FBXO11: variants seen among roughly 807,000 people sequenced by gnomAD.
The protein encoded by FBXO11 is F-box only protein 11.
Under a neutral mutation model 117.0 loss-of-function variants are expected in FBXO11, and 13 were observed. The observed-to-expected ratio is 0.11, with a 90% CI of 0.07 to 0.18. The LOEUF (loss-of-function observed/expected upper bound fraction) is 0.18. FBXO11 is among the 10% of genes least tolerant of loss of function. The pLI is 1.00. For synonymous variants in FBXO11, 490 were observed against 380.5 expected (o/e 1.29, Z -3.35); for missense variants, 767 against 1,164.4 (o/e 0.66, Z 4.97).
intron 1 of FBXO11, among the ~76,000 whole-genome samples, chr2:47,857,583 G>T (rs150684580): frequency 0.013 from 1,937 of 152,228 alleles, 24 homozygotes; most frequent in Non-Finnish European, 0.019. Flanking sequence ...ATCATGGGGG[G>T]TAGATTTCAT....
rs1348765307 is a variant in FBXO11 at position 47,839,687 on chromosome 2, A to T, written c.315T>A (p.Thr105=). The change falls in exon 2 of 23, where the codon ACT becomes ACA. Residue 105 remains threonine, a synonymous_variant. Coordinates refer to ENST00000403359, the MANE Select transcript of FBXO11 (RefSeq NM_001190274.2). ...GACACGCTGTTCTTTTCGGCAAAAG[A>T]GTTTTTCTACGAAGTTGGTATGGAC... ...QNSPYQLRRK[T]LLPKRTACPT... 8.1e-6 allele frequency: 13 copies of T among 1,614,018 alleles called. No individual in the cohort carries two copies. Among genetic ancestry groups the T allele is most frequent in the Admixed American group, 1.7e-5 (1 of 59,994 alleles).
chr2:47,819,565 A>G (rs778366587), intron 14 of FBXO11, among the ~76,000 whole-genome samples: 12 of 152,144 alleles, frequency 7.9e-5, no homozygotes, highest in Non-Finnish European at 1.5e-4. Context: ...CAAAAATTTT[A>G]TACTGTTCTT....
chr2:47,826,527 A>G (rs1045551564), intron 11 of FBXO11, among the ~76,000 whole-genome samples: 2 of 152,114 alleles, frequency 1.3e-5, no homozygotes, highest in Admixed American at 1.3e-4. Flanking sequence ...ACTGACTTCT[A>G]TTATGGGACA....
chr2:47,886,572 G>C (rs765510419), intron 1 of FBXO11, among the ~76,000 whole-genome samples: 20 of 151,896 alleles, frequency 1.3e-4, no homozygotes, highest in Non-Finnish European at 2.2e-4. Flanking sequence ...TTTGTATAGG[G>C]TTGTTTGCTG....
rs1678074412 is a variant in FBXO11 at position 47,900,626 on chromosome 2, ATACACACACGTACGTATATACACACG to A, written c.232+4837_232+4862del. On this transcript the variant is annotated intron_variant, in intron 1 of 22. Transcript: ENST00000403359. The stretch of plus-strand genomic sequence containing the variant: ...CGTATACACACGTATATACACACGT[ATACACACACGTACGTATATACACACG>A]TATACACACACGTACGTATATACAC... 5.5e-5 allele frequency among the ~76,000 whole-genome samples: 2 copies of A among 36,622 alleles called. 1 individual carries two copies. Among genetic ancestry groups the A allele is most frequent in the Non-Finnish European group, 1.2e-4 (2 of 16,228 alleles). 24.0% of individuals were successfully genotyped at this position (36,622 alleles called of 152,430 possible).
intron 1 of FBXO11, among the ~76,000 whole-genome samples, chr2:47,892,217 T>C (rs1677306499): frequency 6.6e-6 from 1 of 152,192 alleles, no homozygotes; most frequent in Non-Finnish European, 1.5e-5. Flanking sequence ...CCTCCCTCCC[T>C]GTAGATTCCA....
intron 1 of FBXO11, among the ~76,000 whole-genome samples, chr2:47,897,419 G>C (rs964881340): frequency 1.3e-5 from 2 of 152,134 alleles, no homozygotes; most frequent in African/African-American, 4.8e-5. Context: ...ACTTCTGGTC[G>C]GGTGAGGTGG....
At chr2:47,853,690 A>G (rs976317637) in intron 1 of FBXO11, among the ~76,000 whole-genome samples, 1 of 152,220 alleles carries the variant, frequency 6.6e-6, no homozygotes, top group Admixed American at 6.5e-5. Flanking sequence ...TGCTTACCTT[A>G]TAAAATTACT....
intron 7 of FBXO11, 78 bp from the exon 8 acceptor site, chr2:47,833,148 C>T: frequency 1.1e-6 from 1 of 905,658 alleles, no homozygotes; most frequent in South Asian, 1.4e-5. Context: ...GGGGAACTTA[C>T]TAAAAACATT....
At chr2:47,840,395 A>G (rs1341663861) in intron 1 of FBXO11, among the ~76,000 whole-genome samples, 1 of 151,640 alleles carries the variant, frequency 6.6e-6, no homozygotes, top group African/African-American at 2.4e-5. Context: ...AATATAGTGC[A>G]TGAGATACCA....
intron 1 of FBXO11, among the ~76,000 whole-genome samples, chr2:47,885,360 G>T (rs1223901394): frequency 6.6e-6 from 1 of 152,142 alleles, no homozygotes; most frequent in Non-Finnish European, 1.5e-5. Flanking sequence ...TTGGGAGGCC[G>T]AGGTGAGTAA....
At chr2:47,824,039 C>T (rs1017396061) in intron 11 of FBXO11, among the ~76,000 whole-genome samples, 1 of 152,106 alleles carries the variant, frequency 6.6e-6, no homozygotes, top group Non-Finnish European at 1.5e-5. Flanking sequence ...GAACTATATA[C>T]ATCCTCTAAT....
intron 1 of FBXO11, among the ~76,000 whole-genome samples, chr2:47,894,647 A>G (rs946909483): frequency 3.3e-5 from 5 of 152,220 alleles, no homozygotes; most frequent in African/African-American, 1.2e-4. Flanking sequence ...GTTAGTGAAT[A>G]AACTTTCTGA....
chr2:47,889,568 A>T (rs1224272641), intron 1 of FBXO11, among the ~76,000 whole-genome samples: 2 of 152,100 alleles, frequency 1.3e-5, no homozygotes, highest in South Asian at 2.1e-4. Context: ...CTACATTTTT[A>T]AAAAAATGGT....
At chr2:47,875,789 C>T (rs985137059) in intron 1 of FBXO11, among the ~76,000 whole-genome samples, 2 of 151,946 alleles carry the variant, frequency 1.3e-5, no homozygotes, top group African/African-American at 4.8e-5. Context: ...AAAATTATTC[C>T]AACTGACCCT....
At chr2:47,904,154 T>C (rs1208849520) in intron 1 of FBXO11, among the ~76,000 whole-genome samples, 2 of 152,378 alleles carry the variant, frequency 1.3e-5, no homozygotes, top group Admixed American at 6.5e-5. Context: ...GGAAATAATG[T>C]ATAATTTTAA....
At chr2:47,840,995 G>A (rs984445949) in intron 1 of FBXO11, among the ~76,000 whole-genome samples, 1 of 152,070 alleles carries the variant, frequency 6.6e-6, no homozygotes, top group South Asian at 2.1e-4. Context: ...TCAGGAGATC[G>A]AGACCATCCT....
At chr2:47,820,491 G>A (rs1292744908) in intron 13 of FBXO11, 35 bp from the exon 14 acceptor site, 1 of 1,509,430 alleles carries the variant, frequency 6.6e-7, no homozygotes, top group Non-Finnish European at 9.2e-7. Context: ...GTCAACATTT[G>A]TGAGCCTAGA....
intron 1 of FBXO11, among the ~76,000 whole-genome samples, chr2:47,851,839 T>C (rs983518578): frequency 6.6e-6 from 1 of 152,222 alleles, no homozygotes; most frequent in Non-Finnish European, 1.5e-5. Context: ...AATGAAAATA[T>C]GGCTATATTC....
Sources: allele counts gnomAD v4.1 joint callset (sites outside exome capture counted in the v4.1 genomes callset), GRCh38; gene constraint gnomAD v4.1.1; transcripts MANE v1.5; gene names NCBI Gene and HGNC (gene_info 2026-07-23, HGNC 2026-07-21).